Variants in CAPN14 observed in about 807,000 individuals in gnomAD.
CAPN14 encodes calpain 14.
A neutral mutation model predicts 101.3 loss-of-function variants in CAPN14; 94 were observed. The ratio of observed to expected loss-of-function variants is 0.93; its 90% CI spans 0.79 to 1.10. CAPN14 has a LOEUF of 1.10. Among genes scored for constraint, CAPN14 ranks in the 50% least tolerant of loss-of-function variants. CAPN14 has a pLI of 0.00. For missense variants in CAPN14, 837 were observed against 828.4 expected (o/e 1.01, Z -0.13); for synonymous variants, 338 against 317.9 (o/e 1.06, Z -0.67).
At chr2:31,224,029 T>A (rs28406984) in intron 2 of CAPN14, among the ~76,000 whole-genome samples, 23,476 of 152,206 alleles carry the variant, frequency 0.15, 2,244 homozygotes, top group African/African-American at 0.27. Flanking sequence ...ATCTCAGTAT[T>A]GATCCACGTT....
At chr2:31,210,226 G>C (rs936268720) in intron 1 of CAPN14, among the ~76,000 whole-genome samples, 1 of 152,066 alleles carries the variant, frequency 6.6e-6, no homozygotes, top group Admixed American at 6.5e-5. Context: ...GGCGGATCAC[G>C]AGGTCAAGAG....
At position 31,226,276 on chromosome 2, in the gene CAPN14, A is replaced by T. The variant is rs377012232; in HGVS notation, c.-53+252T>A. On this transcript the variant is annotated intron_variant and NMD_transcript_variant, in intron 2 of 21. Transcript: ENST00000398824. ...TCCCACGCTCATAGGTTCTGCCTTT[A>T]TCAGGTTCTCTGTGCTCACAGACAT... Among the ~76,000 whole-genome samples the T allele has an allele frequency of 2.8e-4, 43 of 152,248 alleles. 2 individuals are homozygous for T. The highest frequency in any genetic ancestry group is 6.8e-3 in the Middle Eastern group (2 of 294).
intron 1 of CAPN14, among the ~76,000 whole-genome samples, chr2:31,214,488 G>A (rs1682544674): frequency 6.6e-6 from 1 of 152,116 alleles, no homozygotes; most frequent in Non-Finnish European, 1.5e-5. Flanking sequence ...TAAAACCAAG[G>A]TCAGACCTAA....
chr2:31,191,592 TG>T (rs1329165407), intron 11 of CAPN14, among the ~76,000 whole-genome samples, 185 bp from the exon 12 acceptor site: 2 of 152,152 alleles, frequency 1.3e-5, no homozygotes, highest in Non-Finnish European at 2.9e-5. Context: ...AATCTATCAT[TG>T]GAAATTCTGG....
At chr2:31,223,542 C>CTTTTT (rs35488335) in intron 2 of CAPN14, among the ~76,000 whole-genome samples, 6 of 132,064 alleles carry the variant, frequency 4.5e-5, no homozygotes, top group Admixed American at 7.7e-5. Context: ...TTTTTCTTTT[C>CTTTTT]TTTTTTTTTT....
At chr2:31,175,846 C>G (rs80209314) in intron 21 of CAPN14, among the ~76,000 whole-genome samples, 1,538 of 152,308 alleles carry the variant, frequency 0.01, 9 homozygotes, top group South Asian at 0.03. Flanking sequence ...GGATTGAACT[C>G]CAGAGTCCAA....
At position 31,178,583 on chromosome 2, in the gene CAPN14, A is replaced by G; in HGVS notation, c.1711-4T>C. On this transcript the variant is annotated splice_region_variant and splice_polypyrimidine_tract_variant and intron_variant, in intron 17 of 21. Transcript: ENST00000403897. Reference sequence around the variant, plus strand: ...TCATAGTACCTGATGCATTAAGCTGATTAATAGGTTAAGGTAAAAGCTTCC... The same window carrying G: ...TCATAGTACCTGATGCATTAAGCTGGTTAATAGGTTAAGGTAAAAGCTTCC... The G allele has an allele frequency of 6.6e-7, 1 of 1,525,300 alleles. No individual in the cohort carries two copies. The highest frequency in any genetic ancestry group is 1.3e-5 in the South Asian group (1 of 79,784). 94.5% of individuals were successfully genotyped at this position (1,525,300 alleles called of 1,614,324 possible). A position where few individuals can be genotyped will look rare whatever the true frequency, so the allele number is the denominator to read the frequency against.
chr2:31,177,698 T>C, intron 19 of CAPN14, 48 bp downstream of exon 19: 3 of 1,349,432 alleles, frequency 2.2e-6, no homozygotes, highest in Non-Finnish European at 3.1e-6. Context: ...CTGATGAGTG[T>C]GCACCCTGCC....
At chr2:31,194,258 G>A (rs987618115) in intron 9 of CAPN14, 151 bp downstream of exon 9, 2 of 623,708 alleles carry the variant, frequency 3.2e-6, no homozygotes, top group Non-Finnish European at 5.7e-6. Flanking sequence ...GGCACTGTTT[G>A]TCCTGCTAGA....
intron 1 of CAPN14, among the ~76,000 whole-genome samples, chr2:31,228,992 G>T (rs1022204688): frequency 5.9e-5 from 9 of 152,182 alleles, no homozygotes; most frequent in African/African-American, 2.2e-4. Context: ...AGCCAGATGG[G>T]GCTGAAAACA....
intron 1 of CAPN14, among the ~76,000 whole-genome samples, chr2:31,206,181 G>T (rs890390216): frequency 6.6e-6 from 1 of 151,796 alleles, no homozygotes; most frequent in Non-Finnish European, 1.5e-5. Flanking sequence ...TAGCAAGGCC[G>T]CAGGGGGTGC....
chr2:31,177,702 C>A, intron 19 of CAPN14, 44 bp downstream of exon 19: 1 of 1,425,050 alleles, frequency 7.0e-7, no homozygotes, highest in Non-Finnish European at 9.7e-7. Flanking sequence ...TGAGTGTGCA[C>A]CCTGCCCGTG....
rs1387880394 is a variant in CAPN14 at position 31,189,486 on chromosome 2, T to C, written c.1288-8A>G. On this transcript the variant is annotated splice_region_variant and splice_polypyrimidine_tract_variant and intron_variant, in intron 12 of 21. Coordinates refer to ENST00000403897, the MANE Select transcript of CAPN14 (RefSeq NM_001145122.2). ...CCTCTGGTCATCATGGTACTGTGGG[T>C]AGAGGACAGAAGAACAGCAAGGGAG... 2 of 1,548,872 alleles carry C rather than the reference T, an allele frequency of 1.3e-6. No individual in the cohort carries two copies. The highest frequency in any genetic ancestry group is 2.7e-5 in the African/African-American group (2 of 72,982).
chr2:31,223,542 CTTT>C (rs35488335), intron 2 of CAPN14, among the ~76,000 whole-genome samples: 5 of 132,056 alleles, frequency 3.8e-5, no homozygotes, highest in Admixed American at 7.7e-5. Flanking sequence ...TTTTTCTTTT[CTTT>C]TTTTTTTTTT....
intron 21 of CAPN14, 132 bp from the exon 22 acceptor site, chr2:31,174,839 C>A: frequency 1.3e-6 from 1 of 785,428 alleles, no homozygotes; most frequent in South Asian, 1.6e-5. Context: ...AGCATATCAT[C>A]CATTAGGAAG....
intron 1 of CAPN14, among the ~76,000 whole-genome samples, chr2:31,208,252 CA>C (rs1201714640): frequency 1.3e-5 from 2 of 152,070 alleles, no homozygotes; most frequent in Admixed American, 6.6e-5. Context: ...ATTTTCTTCC[CA>C]GGAAGTTTCT....
chr2:31,202,113 A>C (rs1681821948), intron 4 of CAPN14, 21 bp downstream of exon 4: 1 of 1,550,590 alleles, frequency 6.4e-7, no homozygotes, highest in African/African-American at 1.4e-5. Flanking sequence ...CTCTGGGCTG[A>C]GGACCCGGGA....
chr2:31,174,594 T>C lies in CAPN14; in HGVS notation c.*87A>G. ...TGAGGCTGTCCTGAAGATCAGTAAG[T>C]AGGGTGGGCATGGGTTGGTCTCAGC... is the stretch of plus-strand genomic sequence containing the variant. On this transcript the variant is annotated 3_prime_UTR_variant, in exon 22 of 22. Coordinates refer to ENST00000403897, the MANE Select transcript of CAPN14 (RefSeq NM_001145122.2). 1 of 1,376,070 alleles carries C rather than the reference T, an allele frequency of 7.3e-7. No homozygotes were observed. The highest frequency in any genetic ancestry group is 1.0e-6 in the Non-Finnish European group (1 of 989,790). The allele number at this position is 1,376,070 out of a possible 1,614,324, so 85.2% of individuals were successfully genotyped here.
In CAPN14 at chr2:31,191,784, C is replaced by T. The variant is rs372993318; in HGVS notation, c.1278+151G>A. On this transcript the variant is annotated intron_variant, in intron 11 of 21. Transcript: ENST00000403897. The stretch of plus-strand genomic sequence containing the variant: ...TGCAAGAAGGTGACTTGTTCTAAAT[C>T]ACATGTTCCTAAAGGACAGAGCCTG... 8.1e-5 allele frequency: 58 copies of T among 718,464 alleles called. No individual in the cohort carries two copies. The African/African-American group carries it at 8.6e-4, about 11-fold the overall frequency. The allele number at this position is 718,464 out of a possible 1,614,324, so 44.5% of individuals were successfully genotyped here.
Sources: gnomAD v4.1 joint callset for allele counts (sites outside exome capture counted in the v4.1 genomes callset) on GRCh38, gnomAD v4.1.1 for gene constraint, MANE v1.5 for transcripts, NCBI Gene and HGNC (gene_info 2026-07-23, HGNC 2026-07-21) for gene names.